The following FAT3 variants were observed in gnomAD, a reference collection of about 807,000 sequenced individuals.
FAT3 encodes FAT atypical cadherin 3.
FAT3 carries 95 observed loss-of-function variants against 310.2 expected under a neutral mutation model. The ratio of observed to expected loss-of-function variants is 0.31; its 90% CI spans 0.26 to 0.36. The LOEUF (loss-of-function observed/expected upper bound fraction) is 0.36, where lower values mean the gene tolerates loss of function less well. Among genes scored for constraint, FAT3 ranks in the 10% least tolerant of loss-of-function variants. The pLI, the probability that FAT3 is intolerant of heterozygous loss-of-function variation, is 1.00. For missense variants in FAT3, 5,408 were observed against 5,715.6 expected (o/e 0.95, Z 1.74); for synonymous variants, 2,314 against 2,192.9 (o/e 1.06, Z -1.54).
chr11:92,644,278 G>A (rs959808558), intron 3 of FAT3, among the ~76,000 whole-genome samples: 2 of 152,198 alleles, frequency 1.3e-5, no homozygotes, highest in Non-Finnish European at 2.9e-5. Context: ...TATCAATTAT[G>A]TTCATGAGTT....
intron 3 of FAT3, among the ~76,000 whole-genome samples, chr11:92,646,140 G>A (rs185270834): frequency 4.3e-4 from 65 of 152,276 alleles, no homozygotes; most frequent in Non-Finnish European, 6.9e-4. Flanking sequence ...TTTAGTTCCG[G>A]ATGGCATTGA....
chr11:92,551,019 C>T (rs946308888), intron 3 of FAT3, among the ~76,000 whole-genome samples: 15 of 151,960 alleles, frequency 9.9e-5, no homozygotes, highest in South Asian at 6.2e-4. Context: ...GCCCAGTCCC[C>T]GTATTCTGAA....
chr11:92,461,384 G>C (rs888291558), intron 2 of FAT3, among the ~76,000 whole-genome samples: 2 of 152,142 alleles, frequency 1.3e-5, no homozygotes, highest in Non-Finnish European at 2.9e-5. Context: ...GACAAAATCA[G>C]ATTAAACACA....
intron 3 of FAT3, among the ~76,000 whole-genome samples, chr11:92,628,085 T>C (rs1015349832): frequency 3.9e-5 from 6 of 152,172 alleles, no homozygotes; most frequent in African/African-American, 1.4e-4. Flanking sequence ...ATAGTTCAGA[T>C]ACCGGATGCC....
At chr11:92,746,179 T>C (rs1945661628) in intron 4 of FAT3, among the ~76,000 whole-genome samples, 1 of 152,224 alleles carries the variant, frequency 6.6e-6, no homozygotes, top group Non-Finnish European at 1.5e-5. Context: ...TCTGTTCTCA[T>C]GCTGCTAATA....
chr11:92,498,366 T>C (rs1026232787), intron 2 of FAT3: 6 of 232,954 alleles, frequency 2.6e-5, no homozygotes, highest in Admixed American at 2.1e-4. Context: ...TCCGATGCTG[T>C]CTGGAATCTA....
chr11:92,587,842 G>A (rs1397351327), intron 3 of FAT3, among the ~76,000 whole-genome samples: 5 of 151,918 alleles, frequency 3.3e-5, no homozygotes, highest in Admixed American at 6.6e-5. Flanking sequence ...GACAAAAATT[G>A]GAGGCAAAAT....
intron 3 of FAT3, among the ~76,000 whole-genome samples, chr11:92,629,470 G>A (rs902499430): frequency 1.4e-5 from 2 of 143,138 alleles, no homozygotes; most frequent in African/African-American, 5.3e-5. Context: ...CACCCAGGCT[G>A]CTAGGCTGGA....
chr11:92,582,731 C>A (rs554436392), intron 3 of FAT3, among the ~76,000 whole-genome samples: 4 of 152,080 alleles, frequency 2.6e-5, no homozygotes, highest in African/African-American at 7.2e-5. Flanking sequence ...TTTGGGACAG[C>A]CTAGATTCTA....
chr11:92,835,612 A>G (rs1355677013), intron 15 of FAT3, among the ~76,000 whole-genome samples: 1 of 152,136 alleles, frequency 6.6e-6, no homozygotes, highest in African/African-American at 2.4e-5. Flanking sequence ...TCCACATTGT[A>G]TTCATAAATC....
chr11:92,284,914 A>G (rs1219104432), intron 1 of FAT3, among the ~76,000 whole-genome samples: 1 of 152,146 alleles, frequency 6.6e-6, no homozygotes, highest in East Asian at 1.9e-4. Flanking sequence ...CAAAGATACT[A>G]TTACCTCAGG....
Position 92,666,393 on chromosome 11 carries a change from C to T in FAT3, c.3608-30991C>T, listed in dbSNP as rs558678986. ...TTGAGACGGAATCTCGCTCTGTTGC[C>T]TAGGCTGGAGTGCAGTGGCCTGATC... On this transcript the variant is annotated intron_variant, in intron 3 of 27. Coordinates refer to ENST00000525166, the MANE Select transcript of FAT3 (RefSeq NM_001367949.2). Among the ~76,000 whole-genome samples the T allele has an allele frequency of 4.0e-5, 6 of 150,328 alleles. No individual in the cohort carries two copies. In the South Asian group the frequency reaches 1.3e-3, roughly 32 times the overall value.
chr11:92,485,237 A>G (rs1198069768), intron 2 of FAT3, among the ~76,000 whole-genome samples: 1 of 152,236 alleles, frequency 6.6e-6, no homozygotes, highest in East Asian at 1.9e-4. Context: ...ATATGTGTCC[A>G]ATACTTTCTC....
chr11:92,770,523 C>T (rs1946431093), intron 6 of FAT3, among the ~76,000 whole-genome samples: 1 of 152,096 alleles, frequency 6.6e-6, no homozygotes, highest in Non-Finnish European at 1.5e-5. Flanking sequence ...GGTGTACATG[C>T]GGAACCTGAA....
rs1555067127 is a variant in FAT3 at position 92,499,713 on chromosome 11, A to ATGTGTGTGTATGTG, written c.3293-24911_3293-24898dup. On this transcript the variant is annotated intron_variant, in intron 2 of 27. Coordinates refer to ENST00000525166, the MANE Select transcript of FAT3 (RefSeq NM_001367949.2). Reference sequence around the variant, plus strand: ...CAAAGTCTTGATCTTGTGTGTGTGTATGTGTGTGTATGTGTGTGTGTGTGT... The same window carrying ATGTGTGTGTATGTG: ...CAAAGTCTTGATCTTGTGTGTGTGTATGTGTGTGTATGTGTGTGTGTGTATGTGTGTGTGTGTGT... Among the ~76,000 whole-genome samples the ATGTGTGTGTATGTG allele has an allele frequency of 6.4e-3, 769 of 119,350 alleles. 5 individuals carry two copies. The highest frequency in any genetic ancestry group is 0.024 in the African/African-American group (737 of 30,538). The allele number at this position is 119,350 out of a possible 152,430, so 78.3% of individuals were successfully genotyped here. A position where few individuals can be genotyped will look rare whatever the true frequency, so the allele number is the denominator to read the frequency against.
At chr11:92,838,802 G>A (rs1948467551) in intron 17 of FAT3, among the ~76,000 whole-genome samples, 1 of 152,150 alleles carries the variant, frequency 6.6e-6, no homozygotes, top group Non-Finnish European at 1.5e-5. Context: ...AGACCCCAGG[G>A]CCACTGAGCT....
chr11:92,235,975 CT>C (rs1322531566), intron 1 of FAT3, among the ~76,000 whole-genome samples: 6 of 152,158 alleles, frequency 3.9e-5, no homozygotes, highest in Non-Finnish European at 7.3e-5. Flanking sequence ...GTAAAATAGA[CT>C]GGGAGGTAGG....
chr11:92,591,823 A>G (rs1347202004), intron 3 of FAT3, among the ~76,000 whole-genome samples: 1 of 152,192 alleles, frequency 6.6e-6, no homozygotes, highest in Non-Finnish European at 1.5e-5. Context: ...AACATTTTCT[A>G]TCTTTATTTC....
At chr11:92,227,099 G>C (rs943701047) in intron 1 of FAT3, among the ~76,000 whole-genome samples, 8 of 152,222 alleles carry the variant, frequency 5.3e-5, no homozygotes, top group African/African-American at 1.4e-4. Context: ...CCCACCCGGG[G>C]CTTGAGCGGC....
Sources: allele counts gnomAD v4.1 joint callset (sites outside exome capture counted in the v4.1 genomes callset), GRCh38; gene constraint gnomAD v4.1.1; transcripts MANE v1.5; gene names NCBI Gene and HGNC (gene_info 2026-07-23, HGNC 2026-07-21).